Variants in CCDC88C observed in about 807,000 individuals in gnomAD.
CCDC88C encodes protein Daple.
A neutral mutation model predicts 198.8 loss-of-function variants in CCDC88C; 131 were observed. The ratio of observed to expected loss-of-function variants is 0.66; its 90% CI spans 0.57 to 0.76. The LOEUF (loss-of-function observed/expected upper bound fraction) is 0.76, where lower values mean the gene tolerates loss of function less well. Ranked by LOEUF, CCDC88C falls within the 30% of genes least tolerant of loss-of-function variation. The pLI, the probability that CCDC88C is intolerant of heterozygous loss-of-function variation, is 0.00. For synonymous variants in CCDC88C, 1,166 were observed against 1,114.7 expected (o/e 1.05, Z -0.92); for missense variants, 2,553 against 2,631.6 (o/e 0.97, Z 0.65).
At chr14:91,312,343 A>G (rs60699624) in intron 15 of CCDC88C, among the ~76,000 whole-genome samples, 3,148 of 152,216 alleles carry the variant, frequency 0.021, 119 homozygotes, top group African/African-American at 0.072. Flanking sequence ...AGCTGGGGTC[A>G]CACCACTGCA....
intron 3 of CCDC88C, among the ~76,000 whole-genome samples, chr14:91,373,095 G>A (rs1894898062): frequency 6.6e-6 from 1 of 152,186 alleles, no homozygotes; most frequent in Admixed American, 6.5e-5. Flanking sequence ...TGTGCGAGGA[G>A]TGGGGTCCAT....
chr14:91,294,094 G>C, intron 23 of CCDC88C, 79 bp downstream of exon 23: 3 of 1,551,440 alleles, frequency 1.9e-6, no homozygotes, highest in South Asian at 2.3e-5. Flanking sequence ...TCTCTGCATG[G>C]GAAGCCAGGA....
intron 5 of CCDC88C, among the ~76,000 whole-genome samples, chr14:91,343,355 G>A (rs1356287422): frequency 6.6e-6 from 1 of 152,164 alleles, no homozygotes; most frequent in East Asian, 1.9e-4. Context: ...CGCTGGGGAC[G>A]ATTTGCTAAT....
chr14:91,393,465 C>T (rs1041428366), intron 3 of CCDC88C, among the ~76,000 whole-genome samples: 1 of 152,204 alleles, frequency 6.6e-6, no homozygotes, highest in Non-Finnish European at 1.5e-5. Flanking sequence ...CCCTCCCAGA[C>T]GGCCCACACC....
chr14:91,346,234 A>T (rs1416681029), intron 4 of CCDC88C, among the ~76,000 whole-genome samples: 1 of 152,242 alleles, frequency 6.6e-6, no homozygotes, highest in Non-Finnish European at 1.5e-5. Flanking sequence ...ATCATTGTCA[A>T]GCCTCAGAAC....
In CCDC88C at chr14:91,271,596, GAA is replaced by G. The variant is rs1418569524; in HGVS notation, c.*1027_*1028del. 2 of 152,192 alleles carry G rather than the reference GAA, an allele frequency of 1.3e-5. No homozygotes were observed. Among genetic ancestry groups the G allele is most frequent in the Non-Finnish European group, 2.9e-5 (2 of 68,046 alleles). The allele number at this position is 152,192 out of a possible 1,614,324, so 9.4% of individuals were successfully genotyped here. On this transcript the variant is annotated 3_prime_UTR_variant, in exon 30 of 30. Transcript: ENST00000389857. Reference sequence around the variant, plus strand: ...AAAGCAGCAGATAAGATTCCCGACAGAAGAGAGTGACTCCCACTGGAACATAA... The same window carrying G: ...AAAGCAGCAGATAAGATTCCCGACAGGAGAGTGACTCCCACTGGAACATAA...
At chr14:91,316,959 T>C (rs1222612634) in intron 13 of CCDC88C, among the ~76,000 whole-genome samples, 3 of 152,208 alleles carry the variant, frequency 2.0e-5, no homozygotes, top group Non-Finnish European at 4.4e-5. Context: ...AACAGTCTCA[T>C]GTGGTGCAGC....
At chr14:91,394,688 TC>T (rs925633437) in intron 3 of CCDC88C, among the ~76,000 whole-genome samples, 2 of 152,194 alleles carry the variant, frequency 1.3e-5, no homozygotes, top group African/African-American at 4.8e-5. Context: ...TTTAAGGAAT[TC>T]TATTGCTGGT....
At chr14:91,329,853 C>A (rs753206555) in intron 10 of CCDC88C, among the ~76,000 whole-genome samples, 5 of 152,218 alleles carry the variant, frequency 3.3e-5, no homozygotes, top group Non-Finnish European at 4.4e-5. Context: ...CACTGAAAGA[C>A]CCGACTGTGC....
chr14:91,379,460 A>G (rs753410462), intron 3 of CCDC88C: 3 of 277,406 alleles, frequency 1.1e-5, no homozygotes, highest in Non-Finnish European at 2.1e-5. Context: ...ACCTGTGTGT[A>G]CAGGATGTGG....
chr14:91,365,988 T>C (rs1156262572), intron 3 of CCDC88C, among the ~76,000 whole-genome samples: 1 of 152,110 alleles, frequency 6.6e-6, no homozygotes, highest in Admixed American at 6.5e-5. Flanking sequence ...GGAAATATAT[T>C]ACACTAAAAT....
At chr14:91,408,912 A>G in intron 2 of CCDC88C, 145 bp from the exon 3 acceptor site, 1 of 640,976 alleles carries the variant, frequency 1.6e-6, no homozygotes, top group East Asian at 2.8e-5. Context: ...GTCAAATCCC[A>G]ATCCTGCCAC....
intron 12 of CCDC88C, among the ~76,000 whole-genome samples, chr14:91,322,763 A>G (rs1006310222): frequency 6.6e-6 from 1 of 152,202 alleles, no homozygotes; most frequent in Admixed American, 6.5e-5. Flanking sequence ...TCACCTTCCC[A>G]AACTGACCAC....
Position 91,313,326 on chromosome 14 carries a change from G to A in CCDC88C, c.2490C>T (p.Leu830=), listed in dbSNP as rs540868527. ...RKALEQEVAQ[L]EKDKKLLEKE... ...TCTCCAGCAGCTTCTTATCCTTCTCGAGCTGGGCCACCTCCTGCTCCAGGG... is the reference window on the plus strand; with the variant it reads ...TCTCCAGCAGCTTCTTATCCTTCTCAAGCTGGGCCACCTCCTGCTCCAGGG... The change falls in exon 15 of 30, where the codon CTC becomes CTT. Residue 830 remains leucine, a synonymous_variant. Transcript: ENST00000389857. The surrounding 1 kb of genome is among the most constrained non-coding windows in gnomAD (Gnocchi z 5.2). 4.3e-6 allele frequency: 7 copies of A among 1,613,366 alleles called. No homozygotes were observed. Among genetic ancestry groups the A allele is most frequent in the East Asian group, 4.5e-5 (2 of 44,886 alleles).
At chr14:91,359,819 C>A (rs761057982) in intron 3 of CCDC88C, 108 bp from the exon 4 acceptor site, 1 of 955,458 alleles carries the variant, frequency 1.0e-6, no homozygotes, top group Non-Finnish European at 1.7e-6. Context: ...CACAGCCATC[C>A]CGTGGTGACT....
rs1216091532 is a variant in CCDC88C, at chr14:91,272,189, G to GT, written c.*435_*436insA. The GT allele has an allele frequency of 1.2e-5, 2 of 162,346 alleles. No homozygotes were observed. The highest frequency in any genetic ancestry group is 4.8e-5 in the African/African-American group (2 of 41,606). The allele number at this position is 162,346 out of a possible 1,614,324, so 10.1% of individuals were successfully genotyped here. A position where few individuals can be genotyped will look rare whatever the true frequency, so the allele number is the denominator to read the frequency against. On this transcript the variant is annotated 3_prime_UTR_variant, in exon 30 of 30. Transcript: ENST00000389857. ...GCTTCTCCTGGGATCCAGTGGCCTT[G>GT]GGAGAGGGAGTGGGCTTTCTGACCC...
intron 3 of CCDC88C, among the ~76,000 whole-genome samples, chr14:91,407,944 T>C (rs1197535883): frequency 1.3e-5 from 2 of 152,150 alleles, no homozygotes; most frequent in Non-Finnish European, 2.9e-5. Flanking sequence ...CATGCCCAGC[T>C]AATTTTTGCA....
chr14:91,379,356 C>G (rs1186599081), intron 3 of CCDC88C: 1 of 154,478 alleles, frequency 6.5e-6, no homozygotes, highest in Non-Finnish European at 1.4e-5. Context: ...CTCTGAGAGG[C>G]AGAGGATGAG....
At chr14:91,309,768 T>G in intron 16 of CCDC88C, 91 bp downstream of exon 16, 1 of 1,398,318 alleles carries the variant, frequency 7.2e-7, no homozygotes, top group Non-Finnish European at 9.7e-7. Context: ...AGTAGAGAGT[T>G]CATGGAGGTC....
Sources: allele counts gnomAD v4.1 joint callset (sites outside exome capture counted in the v4.1 genomes callset), GRCh38; gene constraint gnomAD v4.1.1; non-coding constraint Gnocchi (gnomAD v3.1); transcripts MANE v1.5; gene names NCBI Gene and HGNC (gene_info 2026-07-23, HGNC 2026-07-21).